The following ADAM10 variants were observed in gnomAD, a reference collection of about 807,000 sequenced individuals.
ADAM10 encodes ADAM metallopeptidase domain 10.
A neutral mutation model predicts 90.1 loss-of-function variants in ADAM10; 17 were observed. That is an observed-to-expected ratio of 0.19 (90% CI 0.13 to 0.28). The LOEUF (loss-of-function observed/expected upper bound fraction) is 0.28, where lower values mean the gene tolerates loss of function less well. Ranked by LOEUF, ADAM10 falls within the 10% of genes least tolerant of loss-of-function variation. The pLI, the probability that ADAM10 is intolerant of heterozygous loss-of-function variation, is 1.00. For missense variants in ADAM10, 610 were observed against 914.3 expected (o/e 0.67, Z 4.29); for synonymous variants, 310 against 298.6 (o/e 1.04, Z -0.40).
chr15:58,643,486 C>T (rs1231694948), intron 7 of ADAM10, among the ~76,000 whole-genome samples: 1 of 151,986 alleles, frequency 6.6e-6, no homozygotes, highest in South Asian at 2.1e-4. Flanking sequence ...CCTTTTTCTC[C>T]CCTGGAACAC....
chr15:58,652,338 T>C (rs1896709531), intron 5 of ADAM10, among the ~76,000 whole-genome samples: 1 of 152,134 alleles, frequency 6.6e-6, no homozygotes, highest in East Asian at 1.9e-4. Flanking sequence ...AGTGGGGAGT[T>C]TCTTCAACGT....
intron 1 of ADAM10, among the ~76,000 whole-genome samples, chr15:58,725,800 C>G (rs1297966320): frequency 5.9e-5 from 9 of 152,140 alleles, no homozygotes; most frequent in Non-Finnish European, 2.9e-5. Context: ...CTCTATCAAC[C>G]TAAGATTCTA....
rs776173598 is a variant in ADAM10 at position 58,597,559 on chromosome 15, G to A, written c.2235C>T (p.His745=). 5 of 1,614,006 alleles carry A rather than the reference G, an allele frequency of 3.1e-6. No individual in the cohort carries two copies. The African/African-American group carries it at 4.0e-5, about 13-fold the overall frequency. ...GCAAAAGCTGCAGTTAGCGTCTCAT[G>A]TGTCCCATTTGATAACTCTCTCGGG... ...QRPRESYQMG[H]MRR is the part of the protein sequence containing the mutation. Residue 745 remains histidine (H), a synonymous_variant, in exon 16 of 16, where the codon CAC becomes CAT. Transcript: ENST00000260408.
chr15:58,617,058 G>T (rs564232150), intron 11 of ADAM10, among the ~76,000 whole-genome samples: 1 of 151,970 alleles, frequency 6.6e-6, no homozygotes, highest in Non-Finnish European at 1.5e-5. Flanking sequence ...GCAGTGAGCC[G>T]AGATTGCACC....
At chr15:58,690,244 C>T (rs1315760312) in intron 2 of ADAM10, among the ~76,000 whole-genome samples, 1 of 151,992 alleles carries the variant, frequency 6.6e-6, no homozygotes, top group African/African-American at 2.4e-5. Flanking sequence ...TTCCTTAACC[C>T]GATAAAATGC....
At position 58,614,563 on chromosome 15, in the gene ADAM10, A is replaced by G. The variant is rs147780083; in HGVS notation, c.1512-2572T>C. Among the ~76,000 whole-genome samples, 1,044 of 152,346 alleles carry G rather than the reference A, an allele frequency of 6.9e-3. 13 individuals are homozygous for G. The highest frequency in any genetic ancestry group is 0.024 in the African/African-American group (998 of 41,566). ...GAAAGAAAAAACAAATTGGCAGCCAAGAATCTATAAGACTTTATTTGTCCC... is the reference window on the plus strand; with the variant it reads ...GAAAGAAAAAACAAATTGGCAGCCAGGAATCTATAAGACTTTATTTGTCCC... On this transcript the variant is annotated intron_variant, in intron 11 of 15. Transcript: ENST00000260408.
intron 2 of ADAM10, among the ~76,000 whole-genome samples, chr15:58,716,314 T>A (rs1438046338): frequency 6.6e-6 from 1 of 152,126 alleles, no homozygotes; most frequent in Non-Finnish European, 1.5e-5. Context: ...AAAACACGGT[T>A]ATGGAAAAAT....
Position 58,727,176 on chromosome 15 carries a change from C to CTT in ADAM10, c.56-9451_56-9450dup, listed in dbSNP as rs779017607. ...CACCACCATGCCATGCCTGACTAAT[C>CTT]TTTTTTTTTTTTTTTTTTTTTTTTT... On this transcript the variant is annotated intron_variant, in intron 1 of 15. Transcript: ENST00000260408. 1.8e-4 allele frequency among the ~76,000 whole-genome samples: 14 copies of CTT among 78,014 alleles called. 1 individual carries two copies. Among genetic ancestry groups the CTT allele is most frequent in the Admixed American group, 3.1e-4 (2 of 6,474 alleles). 51.2% of individuals were successfully genotyped at this position (78,014 alleles called of 152,430 possible).
intron 1 of ADAM10, among the ~76,000 whole-genome samples, chr15:58,722,592 T>C (rs1325781570): frequency 1.3e-5 from 2 of 151,538 alleles, no homozygotes; most frequent in African/African-American, 2.4e-5. Flanking sequence ...ATTTGGCTGA[T>C]ACATGCTCAT....
chr15:58,646,329 G>T, intron 5 of ADAM10, 125 bp from the exon 6 acceptor site: 1 of 980,834 alleles, frequency 1.0e-6, no homozygotes, highest in Non-Finnish European at 1.5e-6. Context: ...TATTTCTGCT[G>T]CCATTAAAAG....
At chr15:58,723,635 ACGGAGGTTGCAGTGAGCCAAGGTCAC>A (rs1482301902) in intron 1 of ADAM10, among the ~76,000 whole-genome samples, 1 of 151,886 alleles carries the variant, frequency 6.6e-6, no homozygotes, top group Non-Finnish European at 1.5e-5. Context: ...AACCCGGGAG[ACGGAGGTTGCAGTGAGCCAAGGTCAC>A]GCCACTGCTC....
At chr15:58,610,729 A>C in intron 13 of ADAM10, 1 of 656,462 alleles carries the variant, frequency 1.5e-6, no homozygotes, top group South Asian at 1.8e-5. Flanking sequence ...GTCTTGACTC[A>C]GTGTCCACGA....
At chr15:58,703,391 T>C (rs1351257382) in intron 2 of ADAM10, among the ~76,000 whole-genome samples, 1 of 151,244 alleles carries the variant, frequency 6.6e-6, no homozygotes, top group Non-Finnish European at 1.5e-5. Flanking sequence ...ACTCAGATAG[T>C]TGCACATCAA....
intron 11 of ADAM10, among the ~76,000 whole-genome samples, chr15:58,616,390 A>T (rs1176979555): frequency 6.6e-6 from 1 of 152,218 alleles, no homozygotes. Context: ...GCTATAAAAC[A>T]ATTATCAACA....
chr15:58,681,510 AATC>A (rs1318998014), intron 3 of ADAM10, among the ~76,000 whole-genome samples: 2 of 152,198 alleles, frequency 1.3e-5, no homozygotes, highest in East Asian at 3.8e-4. Context: ...CTTAAGTGAG[AATC>A]ATCTTGAGTA....
chr15:58,707,640 A>C, intron 2 of ADAM10, among the ~76,000 whole-genome samples: 1 of 152,234 alleles, frequency 6.6e-6, no homozygotes, highest in East Asian at 1.9e-4. Flanking sequence ...TGATGGCATA[A>C]TTACAGAACA....
intron 1 of ADAM10, among the ~76,000 whole-genome samples, chr15:58,723,738 C>CT (rs1189772421): frequency 6.6e-6 from 1 of 151,786 alleles, no homozygotes; most frequent in Non-Finnish European, 1.5e-5. Context: ...AACTCACCCA[C>CT]TTTATATCAT....
chr15:58,603,194 A>G (rs1460059093), intron 14 of ADAM10, among the ~76,000 whole-genome samples: 2 of 152,138 alleles, frequency 1.3e-5, no homozygotes, highest in Non-Finnish European at 2.9e-5. Flanking sequence ...TTTATTATAT[A>G]GGTATTCCAT....
chr15:58,706,084 T>C (rs745707253), intron 2 of ADAM10, among the ~76,000 whole-genome samples: 4 of 152,224 alleles, frequency 2.6e-5, no homozygotes, highest in Non-Finnish European at 4.4e-5. Context: ...AGTTGCCTTT[T>C]CCCAAGGGGT....
Sources: allele counts gnomAD v4.1 joint callset (sites outside exome capture counted in the v4.1 genomes callset), GRCh38; gene constraint gnomAD v4.1.1; transcripts MANE v1.5; gene names NCBI Gene and HGNC (gene_info 2026-07-23, HGNC 2026-07-21).